Variants in SORCS2 observed in about 807,000 individuals in gnomAD.
SORCS2 encodes the protein sortilin related VPS10 domain containing receptor 2, also known as VPS10 domain-containing receptor SorCS2.
A neutral mutation model predicts 141.6 loss-of-function variants in SORCS2; 100 were observed. The ratio of observed to expected loss-of-function variants is 0.71; its 90% CI spans 0.60 to 0.83. The LOEUF (loss-of-function observed/expected upper bound fraction) is 0.83. Among genes scored for constraint, SORCS2 ranks in the 40% least tolerant of loss-of-function variants. The probability of loss-of-function intolerance (pLI) is 0.00; values close to 1 mark genes in which losing one functional copy is unlikely to be tolerated. For missense variants in SORCS2, 1,646 were observed against 1,560.2 expected (o/e 1.05, Z -0.93); for synonymous variants, 789 against 676.9 (o/e 1.17, Z -2.57).
intron 1 of SORCS2, among the ~76,000 whole-genome samples, chr4:7,263,318 C>G (rs1037795693): frequency 5.8e-4 from 88 of 152,274 alleles, no homozygotes; most frequent in African/African-American, 2.0e-3. Flanking sequence ...TGAGGAGTCC[C>G]GGTCCCCTCC....
At chr4:7,433,753 T>C in intron 2 of SORCS2, 2 of 1,613,372 alleles carry the variant, frequency 1.2e-6, no homozygotes, top group South Asian at 1.1e-5. Context: ...ATAGGCATCA[T>C]GGACTGCCCG....
rs1056906907 is a variant in SORCS2 at position 7,740,565 on chromosome 4, G to A, written c.*301G>A. The A allele has an allele frequency of 6.5e-6, 3 of 460,114 alleles. No individual in the cohort carries two copies. Among genetic ancestry groups the A allele is most frequent in the Non-Finnish European group, 1.2e-5 (3 of 249,046 alleles). 28.5% of individuals were successfully genotyped at this position (460,114 alleles called of 1,614,324 possible). On this transcript the variant is annotated 3_prime_UTR_variant, in exon 27 of 27. Coordinates refer to ENST00000507866, the MANE Select transcript of SORCS2 (RefSeq NM_020777.3). Reference sequence around the variant, plus strand: ...CGCCCCACGTGCTGTCGCTCAGCCCGAGGCCTGACTTCTCTGGGCTGAGGC... The same window carrying A: ...CGCCCCACGTGCTGTCGCTCAGCCCAAGGCCTGACTTCTCTGGGCTGAGGC...
intron 9 of SORCS2, among the ~76,000 whole-genome samples, chr4:7,678,983 T>G (rs555697202): frequency 4.7e-4 from 71 of 152,314 alleles, no homozygotes; most frequent in African/African-American, 1.6e-3. Context: ...AGCGCCTGTT[T>G]CCAAGTGAGC....
chr4:7,389,014 T>C (rs6850341), intron 1 of SORCS2, among the ~76,000 whole-genome samples: 51,015 of 152,038 alleles, frequency 0.34, 8,747 homozygotes, highest in East Asian at 0.58. Flanking sequence ...AAAAGGCACA[T>C]GGGCTCGTGC....
intron 5 of SORCS2, among the ~76,000 whole-genome samples, chr4:7,658,992 G>A (rs1721975939): frequency 1.3e-5 from 2 of 152,192 alleles, no homozygotes; most frequent in Admixed American, 1.3e-4. Flanking sequence ...TTTGCTCTTG[G>A]GCAGTGTCCA....
At chr4:7,525,431 T>C (rs1733608175) in intron 2 of SORCS2, among the ~76,000 whole-genome samples, 1 of 152,030 alleles carries the variant, frequency 6.6e-6, no homozygotes, top group African/African-American at 2.4e-5. Flanking sequence ...GGAGCAGCAG[T>C]GGGCGGACAT....
rs551765208 is a variant in SORCS2 at position 7,717,899 on chromosome 4, G to T, written c.2253-113G>T. 1.6e-4 allele frequency: 187 copies of T among 1,152,684 alleles called. No individual in the cohort carries two copies. In the African/African-American group the frequency reaches 2.7e-3, roughly 17 times the overall value. The allele number at this position is 1,152,684 out of a possible 1,614,324, so 71.4% of individuals were successfully genotyped here. A position where few individuals can be genotyped will look rare whatever the true frequency, so the allele number is the denominator to read the frequency against. On this transcript the variant is annotated intron_variant, in intron 17 of 26. Transcript: ENST00000507866. Reference sequence around the variant, plus strand: ...GGGAGTTAGCAAGTAGAGTCCTAGGGGTGGGAAGCCAAGTGCCACCTCTGG... The same window carrying T: ...GGGAGTTAGCAAGTAGAGTCCTAGGTGTGGGAAGCCAAGTGCCACCTCTGG...
chr4:7,404,015 G>C, intron 2 of SORCS2, among the ~76,000 whole-genome samples: 1 of 86,202 alleles, frequency 1.2e-5, no homozygotes, highest in African/African-American at 4.6e-5. Flanking sequence ...TTTTTTTTTA[G>C]TATCCATTTA....
intron 3 of SORCS2, among the ~76,000 whole-genome samples, chr4:7,563,088 C>A (rs1257507467): frequency 6.6e-6 from 1 of 152,130 alleles, no homozygotes; most frequent in Admixed American, 6.5e-5. Flanking sequence ...TACCAAAATC[C>A]GTTCTGTGGA....
intron 2 of SORCS2, among the ~76,000 whole-genome samples, chr4:7,464,645 C>T (rs1463141289): frequency 6.6e-6 from 1 of 152,214 alleles, no homozygotes; most frequent in Non-Finnish European, 1.5e-5. Context: ...AAAGGTAGGA[C>T]TAGGGGCTGC....
At chr4:7,327,076 C>G (rs1453722222) in intron 1 of SORCS2, among the ~76,000 whole-genome samples, 1 of 152,238 alleles carries the variant, frequency 6.6e-6, no homozygotes, top group Non-Finnish European at 1.5e-5. Flanking sequence ...CTGTTCTGAT[C>G]TGCTTCACGG....
chr4:7,483,136 C>T (rs923253168), intron 2 of SORCS2, among the ~76,000 whole-genome samples: 38 of 151,964 alleles, frequency 2.5e-4, no homozygotes, highest in East Asian at 1.4e-3. Context: ...CTGGCTAACA[C>T]GGTGAAACCC....
intron 14 of SORCS2, among the ~76,000 whole-genome samples, chr4:7,707,751 G>A (rs1471169588): frequency 2.6e-5 from 4 of 152,238 alleles, no homozygotes; most frequent in Non-Finnish European, 5.9e-5. Context: ...CTCAGTGAAT[G>A]TGGCTTGAAT....
chr4:7,206,494 G>A (rs560341764), intron 1 of SORCS2, among the ~76,000 whole-genome samples: 9 of 152,344 alleles, frequency 5.9e-5, no homozygotes, highest in African/African-American at 1.9e-4. Flanking sequence ...GGCTCCACGA[G>A]TAACCTGGGA....
intron 2 of SORCS2, among the ~76,000 whole-genome samples, chr4:7,506,526 C>G (rs1305575552): frequency 6.6e-6 from 1 of 152,084 alleles, no homozygotes; most frequent in Non-Finnish European, 1.5e-5. Flanking sequence ...GCTGACATCC[C>G]GAGATCTACT....
chr4:7,438,943 C>A (rs929445597), intron 2 of SORCS2, among the ~76,000 whole-genome samples: 2 of 152,154 alleles, frequency 1.3e-5, no homozygotes, highest in Non-Finnish European at 2.9e-5. Context: ...TCCCCTCAGG[C>A]ATCCTTCTTT....
intron 1 of SORCS2, among the ~76,000 whole-genome samples, chr4:7,209,470 A>G (rs4689637): frequency 0.74 from 111,993 of 151,990 alleles, 41,498 homozygotes; most frequent in East Asian, 0.82. Flanking sequence ...GGAAGCTACC[A>G]GCATCCCCTT....
chr4:7,196,663 A>G (rs776870142), intron 1 of SORCS2, among the ~76,000 whole-genome samples: 6 of 59,378 alleles, frequency 1.0e-4, no homozygotes, highest in Non-Finnish European at 1.8e-4. Flanking sequence ...CCCTCTGCCC[A>G]TTTTCCAAAT....
intron 1 of SORCS2, among the ~76,000 whole-genome samples, chr4:7,382,871 C>T (rs1723072720): frequency 6.6e-6 from 1 of 151,996 alleles, no homozygotes; most frequent in African/African-American, 2.4e-5. Context: ...CCAGGGTCCG[C>T]ACAACATCAA....
Sources: allele counts gnomAD v4.1 joint callset (sites outside exome capture counted in the v4.1 genomes callset), GRCh38; gene constraint gnomAD v4.1.1; transcripts MANE v1.5; gene names NCBI Gene and HGNC (gene_info 2026-07-23, HGNC 2026-07-21).